The following C8B variants were observed in gnomAD, a reference collection of about 807,000 sequenced individuals.
The protein encoded by C8B is complement C8 beta chain.
A neutral mutation model predicts 64.6 loss-of-function variants in C8B; 67 were observed. That is an observed-to-expected ratio of 1.04 (90% CI 0.85 to 1.27). The LOEUF (loss-of-function observed/expected upper bound fraction) is 1.27. C8B is among the 50% of genes most tolerant of loss of function. The pLI is 0.00. For missense variants in C8B, 790 were observed against 725.2 expected (o/e 1.09, Z -1.03); for synonymous variants, 284 against 257.7 (o/e 1.10, Z -0.98).
At position 56,949,665 on chromosome 1, in the gene C8B, A is replaced by T. The variant is rs201398867; in HGVS notation, c.754T>A (p.Ser252Thr). 1.6e-5 allele frequency: 26 copies of T among 1,614,012 alleles called. No individual in the cohort carries two copies. In the Admixed American group the frequency reaches 4.3e-4, roughly 27 times the overall value. The change falls in exon 6 of 12, where the codon TCT (serine) becomes ACT (threonine). Residue 252 changes from serine to threonine, a missense_variant. Ser to Thr is a moderately conservative substitution (Grantham distance 58). Transcript: ENST00000371237. The part of the protein sequence containing the change: ...RNVTEKMASK[S>T]GFSFGFKIPG... ...ATTTTAAAACCAAAACTGAAACCAG[A>T]CTTGCTTGCCATTTTCTCTGTGACA...
At chr1:56,932,249 G>A (rs1391491041) in intron 10 of C8B, among the ~76,000 whole-genome samples, 3 of 152,262 alleles carry the variant, frequency 2.0e-5, no homozygotes, top group Middle Eastern at 6.8e-3. Context: ...AATACCTCGA[G>A]GATGGGGAAC....
intron 4 of C8B, among the ~76,000 whole-genome samples, chr1:56,953,942 G>A (rs1645061966): frequency 6.6e-6 from 1 of 152,180 alleles, no homozygotes; most frequent in African/African-American, 2.4e-5. Context: ...CATGTGAAGA[G>A]TCTCTAGTGA....
At chr1:56,965,545 A>G (rs1236664171) in intron 1 of C8B, among the ~76,000 whole-genome samples, 5 of 152,102 alleles carry the variant, frequency 3.3e-5, no homozygotes, top group African/African-American at 9.7e-5. Context: ...TCTGTATGTA[A>G]CAAACTTTCT....
At position 56,943,814 on chromosome 1, in the gene C8B, A is replaced by G; in HGVS notation, c.1116T>C (p.Leu372=). ...TTTTGGCACAGGCATGGACGTTGTT[A>G]AGAGTATAATCTGAAGAAAACAAGG... is the stretch of plus-strand genomic sequence containing the variant. The part of the protein sequence containing the change: ...KEAMERGDYT[L]NNVHACAKND... The change falls in exon 8 of 12, where the codon CTT becomes CTC. Residue 372 remains leucine (L), a synonymous_variant. Transcript: ENST00000371237. 1 of 1,614,044 alleles carries G rather than the reference A, an allele frequency of 6.2e-7. No homozygotes were observed. The highest frequency in any genetic ancestry group is 8.5e-7 in the Non-Finnish European group (1 of 1,179,958).
rs780819809 is a variant in C8B at position 56,960,055 on chromosome 1, A to G, written c.214T>C (p.Ser72Pro). ...PIDCELSSWS[S>P]WTTCDPCQKK... ...TGACAGGGGTCACATGTGGTCCAAG[A>G]GGACCAACTAGACAGCTCACAATCA... Residue 72 changes from serine to proline, a missense_variant, in exon 2 of 12, where the codon TCT becomes CCT. By Grantham distance (74) the Ser-to-Pro change is moderately conservative. Transcript: ENST00000371237. The G allele has an allele frequency of 2.5e-6, 4 of 1,614,120 alleles. No individual in the cohort carries two copies. Among genetic ancestry groups the G allele is most frequent in the Non-Finnish European group, 2.5e-6 (3 of 1,179,990 alleles).
chr1:56,932,033 C>G lies in C8B; in HGVS notation c.1553-155G>C, dbSNP rs1490565910. 5.3e-5 allele frequency among the ~76,000 whole-genome samples: 8 copies of G among 152,286 alleles called. No homozygotes were observed. The East Asian group carries it at 9.7e-4, about 18-fold the overall frequency. On this transcript the variant is annotated intron_variant, in intron 10 of 11. Coordinates refer to ENST00000371237, the MANE Select transcript of C8B (RefSeq NM_000066.4). The stretch of plus-strand genomic sequence containing the variant: ...TAGGCAGGTTCAGGGCCAGGAATAC[C>G]TACTCCTTTCCTGAGGGCCTTTGCC...
intron 6 of C8B, among the ~76,000 whole-genome samples, chr1:56,948,907 T>A (rs1347139860): frequency 6.6e-6 from 1 of 152,180 alleles, no homozygotes; most frequent in African/African-American, 2.4e-5. Flanking sequence ...AAGCTACATC[T>A]TAAGCTTATT....
intron 3 of C8B, among the ~76,000 whole-genome samples, chr1:56,955,515 G>A (rs1645090114): frequency 6.6e-6 from 1 of 152,168 alleles, no homozygotes; most frequent in African/African-American, 2.4e-5. Context: ...AAGCCCATAA[G>A]ACAGGTAGTC....
intron 10 of C8B, 106 bp downstream of exon 10, chr1:56,933,229 G>T: frequency 1.0e-6 from 1 of 954,530 alleles, no homozygotes; most frequent in Non-Finnish European, 1.7e-6. Flanking sequence ...TCTCCCAGTG[G>T]ACTAAATTCT....
intron 4 of C8B, among the ~76,000 whole-genome samples, chr1:56,953,365 T>C (rs1290881113): frequency 6.6e-6 from 1 of 152,236 alleles, no homozygotes; most frequent in East Asian, 1.9e-4. Context: ...AAATATAATG[T>C]GGTGCTGACT....
At chr1:56,938,699 G>C (rs1644807539) in intron 9 of C8B, among the ~76,000 whole-genome samples, 1 of 152,176 alleles carries the variant, frequency 6.6e-6, no homozygotes, top group African/African-American at 2.4e-5. Flanking sequence ...TAGAAATCAT[G>C]TTTTAGGACT....
chr1:56,948,969 G>T (rs1226405505), intron 6 of C8B, among the ~76,000 whole-genome samples: 1 of 151,452 alleles, frequency 6.6e-6, no homozygotes, highest in East Asian at 1.9e-4. Context: ...AATTAGAGAA[G>T]GTTATCTCTG....
intron 5 of C8B, among the ~76,000 whole-genome samples, chr1:56,950,278 G>T (rs1374866356): frequency 6.6e-6 from 1 of 152,146 alleles, no homozygotes; most frequent in Non-Finnish European, 1.5e-5. Context: ...TGGTTGGATT[G>T]GAAGGGAAAA....
At chr1:56,953,794 T>A (rs1265596108) in intron 4 of C8B, among the ~76,000 whole-genome samples, 1 of 152,196 alleles carries the variant, frequency 6.6e-6, no homozygotes, top group Non-Finnish European at 1.5e-5. Flanking sequence ...ACCCTACTGC[T>A]GGCTTTGAAT....
chr1:56,935,208 C>T (rs1570373104), intron 9 of C8B, among the ~76,000 whole-genome samples: 1 of 152,134 alleles, frequency 6.6e-6, no homozygotes, highest in African/African-American at 2.4e-5. Context: ...TTACAGTCTC[C>T]CTCCTAGGCT....
intron 9 of C8B, among the ~76,000 whole-genome samples, chr1:56,934,142 T>C (rs370374414): frequency 0.023 from 1,097 of 47,248 alleles, 12 homozygotes; most frequent in Middle Eastern, 0.056. Flanking sequence ...AATACTGTCT[T>C]TTTTTTTTTA....
intron 1 of C8B, among the ~76,000 whole-genome samples, chr1:56,965,212 A>G (rs1471567660): frequency 6.6e-6 from 1 of 152,206 alleles, no homozygotes; most frequent in East Asian, 1.9e-4. Flanking sequence ...TCTCATGCAC[A>G]CGGAGCATCC....
intron 9 of C8B, 100 bp downstream of exon 9, chr1:56,940,749 G>C: frequency 7.4e-7 from 1 of 1,359,354 alleles, no homozygotes; most frequent in South Asian, 1.2e-5. Context: ...ATTAGGGCCT[G>C]GGTCTTAGTG....
chr1:56,934,994 C>T (rs1260118951), intron 9 of C8B, among the ~76,000 whole-genome samples: 2 of 152,152 alleles, frequency 1.3e-5, no homozygotes, highest in Non-Finnish European at 2.9e-5. Context: ...TATACTGTGT[C>T]CTGGGAGCTG....
Sources: allele counts gnomAD v4.1 joint callset (sites outside exome capture counted in the v4.1 genomes callset), GRCh38; gene constraint gnomAD v4.1.1; transcripts MANE v1.5; gene names NCBI Gene and HGNC (gene_info 2026-07-23, HGNC 2026-07-21).